Variants in GOLGA3 observed in about 807,000 individuals in gnomAD.
The protein encoded by GOLGA3 is golgin subfamily A member 3.
Under a neutral mutation model 169.4 loss-of-function variants are expected in GOLGA3, and 75 were observed. The ratio of observed to expected loss-of-function variants is 0.44; its 90% CI spans 0.37 to 0.54. The LOEUF is 0.54. Among genes scored for constraint, GOLGA3 ranks in the 20% least tolerant of loss-of-function variants. The pLI is 0.00. For synonymous variants in GOLGA3, 824 were observed against 822.4 expected, an observed-to-expected ratio of 1.00 and a Z score of -0.03; for missense variants, 1,899 against 1,930.0, an observed-to-expected ratio of 0.98 and a Z score of 0.30.
At chr12:132,796,794 T>G in intron 9 of GOLGA3, 94 bp from the exon 10 acceptor site, 1 of 1,216,826 alleles carries the variant, frequency 8.2e-7, no homozygotes, top group Non-Finnish European at 1.2e-6. Flanking sequence ...CCCACCGCCC[T>G]GGCATGGGCC....
Position 132,808,389 on chromosome 12 carries a change from C to T in GOLGA3, c.680G>A (p.Gly227Glu). The T allele has an allele frequency of 6.2e-7, 1 of 1,614,020 alleles. No individual in the cohort carries two copies. The highest frequency in any genetic ancestry group is 8.5e-7 in the Non-Finnish European group (1 of 1,180,024). ...TTTCTCCCTAGGATGTGCCGGAAGCCCCAGGCTGCCCACCTTAGGCCCCCG... is the reference window on the plus strand; with the variant it reads ...TTTCTCCCTAGGATGTGCCGGAAGCTCCAGGCTGCCCACCTTAGGCCCCCG... ...VPRGPKVGSL[G>E]LPAHPREKKT... is the part of the protein sequence containing the mutation. Residue 227 changes from glycine (G) to glutamate (E), a missense_variant, in exon 5 of 24, where the codon GGG becomes GAG. Gly to Glu is a moderately conservative substitution (Grantham distance 98). Transcript: ENST00000450791.
intron 4 of GOLGA3, among the ~76,000 whole-genome samples, chr12:132,811,475 C>CT (rs1949704886): frequency 6.6e-6 from 1 of 151,708 alleles, no homozygotes; most frequent in Admixed American, 6.6e-5. Flanking sequence ...TTCATACTTG[C>CT]ATTTTTATTT....
At chr12:132,820,039 T>C (rs550076174) in intron 2 of GOLGA3, among the ~76,000 whole-genome samples, 22 of 152,186 alleles carry the variant, frequency 1.4e-4, no homozygotes, top group Non-Finnish European at 2.6e-4. Flanking sequence ...TAGCTGGGCG[T>C]GGTGGCACAT....
At chr12:132,820,458 C>T (rs763447065) in intron 2 of GOLGA3, among the ~76,000 whole-genome samples, 4 of 152,196 alleles carry the variant, frequency 2.6e-5, no homozygotes. Context: ...TCCACGGCCG[C>T]GGGTCTCAGA....
rs1431405351 is a variant in GOLGA3, at chr12:132,804,075, C to A, written c.1597+641G>T. Among the ~76,000 whole-genome samples, 6 of 152,288 alleles carry A rather than the reference C, an allele frequency of 3.9e-5. No individual in the cohort carries two copies. Among genetic ancestry groups the A allele is most frequent in the Admixed American group, 3.3e-4 (5 of 15,304 alleles). On this transcript the variant is annotated intron_variant, in intron 7 of 23. Coordinates refer to ENST00000450791, the MANE Select transcript of GOLGA3 (RefSeq NM_001389683.1). The surrounding 1 kb of genome is among the most constrained non-coding windows in gnomAD (Gnocchi z 4.1). ...AGGGGGTGGAAGGCGTGCTGCCAAG[C>A]CACATGGAAGCCCGCCGCGGCTTCC...
chr12:132,773,188 G>T lies in GOLGA3; in HGVS notation c.4414C>A (p.Pro1472Thr). Residue 1472 changes from proline (P) to threonine (T), a missense_variant, in exon 24 of 24, where the codon CCC (proline) becomes ACC (threonine). Pro to Thr is a conservative substitution (Grantham distance 38). Coordinates refer to ENST00000450791, the MANE Select transcript of GOLGA3 (RefSeq NM_001389683.1). ...CGTGGGCCGGCGTGACCCCCCGGGG[G>T]CACAGGGCTGGCAGTGGCTGGCTCC... ...PLEPATASPVPPGGHAGPRGD... is the reference protein window; with the variant it reads ...PLEPATASPVTPGGHAGPRGD... The T allele has an allele frequency of 1.9e-6, 3 of 1,585,850 alleles. No homozygotes were observed. Among genetic ancestry groups the T allele is most frequent in the East Asian group, 2.3e-5 (1 of 43,490 alleles).
At chr12:132,815,462 C>CT (rs2136694174) in intron 3 of GOLGA3, among the ~76,000 whole-genome samples, 1 of 152,316 alleles carries the variant, frequency 6.6e-6, no homozygotes, top group East Asian at 1.9e-4. Flanking sequence ...GGAATCTAGA[C>CT]TTTTTTACAT....
intron 10 of GOLGA3, 28 bp downstream of exon 10, chr12:132,796,511 T>A: frequency 6.3e-7 from 1 of 1,595,284 alleles, no homozygotes; most frequent in South Asian, 1.1e-5. Context: ...GGGGCCTGGG[T>A]CCAGCCTGAA....
chr12:132,798,547 T>C (rs935226172), intron 8 of GOLGA3, 70 bp from the exon 9 acceptor site: 1 of 1,458,638 alleles, frequency 6.9e-7, no homozygotes. Flanking sequence ...AGCCTGTCCC[T>C]GGAGGCCCCA....
chr12:132,814,436 G>A (rs11836108), intron 3 of GOLGA3, among the ~76,000 whole-genome samples: 35,104 of 152,132 alleles, frequency 0.23, 4,504 homozygotes, highest in Non-Finnish European at 0.3. Flanking sequence ...TTCACAGCAG[G>A]TTCTCGTGAC....
intron 1 of GOLGA3, among the ~76,000 whole-genome samples, chr12:132,824,507 C>T (rs1359472524): frequency 1.3e-5 from 2 of 152,180 alleles, no homozygotes; most frequent in Non-Finnish European, 2.9e-5. Context: ...CTATAAATCT[C>T]GCATAGCTAA....
In GOLGA3 at chr12:132,777,096, G is replaced by A. The variant is rs61951347; in HGVS notation, c.3723-6C>T. 106,272 of 1,571,528 alleles carry A rather than the reference G, an allele frequency of 0.068. 4,362 individuals are homozygous for A. Among genetic ancestry groups the A allele is most frequent in the Admixed American group, 0.16 (8,215 of 50,312 alleles). On this transcript the variant is annotated splice_polypyrimidine_tract_variant and splice_region_variant and intron_variant, in intron 19 of 23. Coordinates refer to ENST00000450791, the MANE Select transcript of GOLGA3 (RefSeq NM_001389683.1). The surrounding 1 kb of genome is among the most constrained non-coding windows in gnomAD (Gnocchi z 4.7). ...AATGTTTCCCCTCCCGAATCCTAGC[G>A]TAAAAAAACAAGAAAGAAGGGAATC... is the stretch of plus-strand genomic sequence containing the variant.
At position 132,820,176 on chromosome 12, in the gene GOLGA3, C is replaced by CAA. The variant is rs35718567; in HGVS notation, c.133+1818_133+1819dup. ...GGACAACAACAGCAAAACTCCGTCT[C>CAA]AAAAAAAAAAAAATCAGCTAGGCGT... is the stretch of plus-strand genomic sequence containing the variant. On this transcript the variant is annotated intron_variant, in intron 2 of 23. Coordinates refer to ENST00000450791, the MANE Select transcript of GOLGA3 (RefSeq NM_001389683.1). Among the ~76,000 whole-genome samples, 156 of 140,598 alleles carry CAA rather than the reference C, an allele frequency of 1.1e-3. 1 individual carries two copies. Among genetic ancestry groups the CAA allele is most frequent in the African/African-American group, 3.9e-3 (150 of 38,612 alleles). The allele number at this position is 140,598 out of a possible 152,430, so 92.2% of individuals were successfully genotyped here.
At chr12:132,785,975 G>A (rs2045876424) in intron 15 of GOLGA3, among the ~76,000 whole-genome samples, 1 of 152,236 alleles carries the variant, frequency 6.6e-6, no homozygotes, top group African/African-American at 2.4e-5. Context: ...AGTGAGTGCG[G>A]AGGCTGCTTT....
At chr12:132,818,760 C>T (rs183419343) in intron 2 of GOLGA3, among the ~76,000 whole-genome samples, 5 of 152,166 alleles carry the variant, frequency 3.3e-5, no homozygotes, top group Middle Eastern at 6.8e-3. Context: ...TCCTCCAAGG[C>T]GAGGACCCTA....
At chr12:132,824,394 G>A (rs1007658279) in intron 1 of GOLGA3, among the ~76,000 whole-genome samples, 1 of 152,204 alleles carries the variant, frequency 6.6e-6, no homozygotes, top group Non-Finnish European at 1.5e-5. Context: ...TAACAGTGTT[G>A]TTCAGAATAT....
At chr12:132,775,038 C>T (rs963055202) in intron 22 of GOLGA3, 103 bp downstream of exon 22, 100 of 1,024,658 alleles carry the variant, frequency 9.8e-5, no homozygotes, top group Non-Finnish European at 1.4e-4. Flanking sequence ...GTGGGCTCAA[C>T]AAATCCGTTT....
chr12:132,805,638 A>T (rs1395464251), intron 6 of GOLGA3, among the ~76,000 whole-genome samples: 1 of 151,624 alleles, frequency 6.6e-6, no homozygotes, highest in East Asian at 2.0e-4. Flanking sequence ...CGAGACCCCC[A>T]GGCGCTCTCC....
chr12:132,803,039 G>C (rs1013004187), intron 7 of GOLGA3, among the ~76,000 whole-genome samples: 5 of 151,574 alleles, frequency 3.3e-5, no homozygotes, highest in Admixed American at 6.6e-5. Flanking sequence ...TGGGCAACAA[G>C]AGTGAAACTC....
Sources: gnomAD v4.1 joint callset for allele counts (sites outside exome capture counted in the v4.1 genomes callset) on GRCh38, gnomAD v4.1.1 for gene constraint, Gnocchi (gnomAD v3.1) non-coding constraint, MANE v1.5 for transcripts, NCBI Gene and HGNC (gene_info 2026-07-23, HGNC 2026-07-21) for gene names.